Variants in DLGAP2 observed in about 807,000 individuals in gnomAD.
DLGAP2 encodes DLG associated protein 2.
A neutral mutation model predicts 100.3 loss-of-function variants in DLGAP2; 26 were observed. The observed-to-expected ratio is 0.26, with a 90% CI of 0.19 to 0.36. The LOEUF (loss-of-function observed/expected upper bound fraction) is 0.36, where lower values mean the gene tolerates loss of function less well. DLGAP2 is among the 10% of genes least tolerant of loss of function. The pLI is 1.00. For synonymous variants in DLGAP2, 886 were observed against 630.1 expected (o/e 1.41, Z -6.08); for missense variants, 1,858 against 1,453.2 (o/e 1.28, Z -4.53).
chr8:1,292,909 C>A (rs1585229039), intron 3 of DLGAP2, among the ~76,000 whole-genome samples: 1 of 152,176 alleles, frequency 6.6e-6, no homozygotes, highest in African/African-American at 2.4e-5. Context: ...AGGGTCCCCT[C>A]TGAGTGCTCC....
chr8:1,181,749 GC>G (rs898665867), intron 2 of DLGAP2, among the ~76,000 whole-genome samples: 4 of 152,120 alleles, frequency 2.6e-5, no homozygotes, highest in African/African-American at 9.7e-5. Context: ...AGCAAAAGCA[GC>G]CCCGTGCTCC....
At chr8:1,662,699 C>G (rs948999059) in intron 8 of DLGAP2, among the ~76,000 whole-genome samples, 1 of 152,268 alleles carries the variant, frequency 6.6e-6, no homozygotes, top group Non-Finnish European at 1.5e-5. Context: ...GCCTACCCCA[C>G]AAGGTTGTTC....
intron 6 of DLGAP2, among the ~76,000 whole-genome samples, chr8:1,578,315 T>C (rs1803077450): frequency 6.6e-6 from 1 of 152,204 alleles, no homozygotes; most frequent in Non-Finnish European, 1.5e-5. Context: ...ATCGACTTGC[T>C]AATTGTATTT....
intron 3 of DLGAP2, among the ~76,000 whole-genome samples, chr8:1,452,553 C>A (rs1265315905): frequency 6.6e-6 from 1 of 152,140 alleles, no homozygotes; most frequent in Non-Finnish European, 1.5e-5. Flanking sequence ...AGCTGGAGGC[C>A]CAGTGGCCCG....
chr8:972,993 A>G (rs1800055447), intron 2 of DLGAP2, among the ~76,000 whole-genome samples: 1 of 152,224 alleles, frequency 6.6e-6, no homozygotes, highest in South Asian at 2.1e-4. Context: ...TACAGAACAA[A>G]ATGGAGTCCC....
At chr8:1,270,698 G>A (rs1050924458) in intron 3 of DLGAP2, among the ~76,000 whole-genome samples, 2 of 68,838 alleles carry the variant, frequency 2.9e-5, no homozygotes, top group Admixed American at 2.8e-4. Flanking sequence ...GTCTCTGTGT[G>A]TGTCTCTGTG....
intron 2 of DLGAP2, among the ~76,000 whole-genome samples, chr8:1,227,363 G>A (rs1366137628): frequency 1.3e-5 from 2 of 150,236 alleles, no homozygotes; most frequent in Non-Finnish European, 3.0e-5. Flanking sequence ...AATAAGAATA[G>A]CAACTCTTCC....
chr8:1,097,022 G>A (rs1296333072), intron 2 of DLGAP2, among the ~76,000 whole-genome samples: 4 of 145,648 alleles, frequency 2.7e-5, no homozygotes, highest in African/African-American at 7.8e-5. Flanking sequence ...GTCAAGCTGG[G>A]AGCCCGGGGC....
chr8:1,481,695 C>G (rs569205893), intron 3 of DLGAP2, among the ~76,000 whole-genome samples: 2 of 151,980 alleles, frequency 1.3e-5, no homozygotes, highest in Non-Finnish European at 2.9e-5. Flanking sequence ...CCAGGCTTGT[C>G]TCGAACTCCT....
chr8:741,965 G>T (rs950418762), intron 1 of DLGAP2, among the ~76,000 whole-genome samples: 3 of 152,236 alleles, frequency 2.0e-5, no homozygotes, highest in Admixed American at 2.0e-4. Flanking sequence ...TCATCTGTCT[G>T]TGGAGGAGAA....
intron 1 of DLGAP2, among the ~76,000 whole-genome samples, chr8:851,197 A>G (rs919040481): frequency 1.3e-5 from 2 of 152,232 alleles, no homozygotes; most frequent in African/African-American, 4.8e-5. Flanking sequence ...CACACTGTGC[A>G]GGTGTGCAGC....
intron 2 of DLGAP2, among the ~76,000 whole-genome samples, chr8:1,181,128 C>T (rs1458971952): frequency 1.9e-5 from 1 of 52,904 alleles, no homozygotes; most frequent in Non-Finnish European, 3.6e-5. Flanking sequence ...AGGGCAGTCA[C>T]TTACTGTCGA....
intron 3 of DLGAP2, among the ~76,000 whole-genome samples, chr8:1,347,291 C>G (rs982175166): frequency 1.3e-5 from 2 of 151,838 alleles, no homozygotes; most frequent in African/African-American, 4.8e-5. Context: ...CTCACGGTAG[C>G]TGTGTGGAGG....
chr8:1,082,538 C>T (rs1489850537), intron 2 of DLGAP2, among the ~76,000 whole-genome samples: 1 of 152,160 alleles, frequency 6.6e-6, no homozygotes, highest in Non-Finnish European at 1.5e-5. Flanking sequence ...GCACACGCCT[C>T]GGAACACACA....
At chr8:1,250,621 G>A (rs993606709) in intron 2 of DLGAP2, 1 of 152,082 alleles carries the variant, frequency 6.6e-6, no homozygotes, top group African/African-American at 2.4e-5. Context: ...GAGAAGACGC[G>A]TTCCCTCCCT....
chr8:863,919 C>T (rs1159409365), intron 1 of DLGAP2, among the ~76,000 whole-genome samples: 1 of 152,160 alleles, frequency 6.6e-6, no homozygotes, highest in African/African-American at 2.4e-5. Context: ...TCCATTGCGG[C>T]ACCCTTCCCC....
intron 2 of DLGAP2, among the ~76,000 whole-genome samples, chr8:1,083,039 A>G (rs1298861731): frequency 1.3e-5 from 2 of 152,206 alleles, no homozygotes; most frequent in East Asian, 1.9e-4. Context: ...TTACTTAGTT[A>G]TAAGAGTCCA....
chr8:1,492,681 G>A (rs1799423884), intron 3 of DLGAP2, among the ~76,000 whole-genome samples: 1 of 152,212 alleles, frequency 6.6e-6, no homozygotes, highest in Non-Finnish European at 1.5e-5. Context: ...GCCGGAGGCA[G>A]AGGGGCCGGG....
intron 1 of DLGAP2, among the ~76,000 whole-genome samples, chr8:900,567 C>T (rs891239501): frequency 1.3e-5 from 2 of 152,182 alleles, no homozygotes; most frequent in Admixed American, 1.3e-4. Context: ...CACATGGTAC[C>T]TTGTTCCCCA....
Sources: allele counts gnomAD v4.1 joint callset (sites outside exome capture counted in the v4.1 genomes callset), GRCh38; gene constraint gnomAD v4.1.1; transcripts MANE v1.5; gene names NCBI Gene and HGNC (gene_info 2026-07-23, HGNC 2026-07-21).